The following CACNA1G variants were observed in gnomAD, a reference collection of about 807,000 sequenced individuals.
CACNA1G encodes calcium voltage-gated channel subunit alpha1 G.
In CACNA1G, 67 loss-of-function variants were observed where a neutral mutation model predicts 219.4. The observed-to-expected ratio is 0.31, with a 90% confidence interval of 0.25 to 0.37. The LOEUF (loss-of-function observed/expected upper bound fraction) is 0.37, where lower values mean the gene tolerates loss of function less well. CACNA1G is among the 10% of genes least tolerant of loss of function. CACNA1G has a pLI of 1.00. For missense variants in CACNA1G, 2,380 were observed against 3,231.4 expected, an observed-to-expected ratio of 0.74 and a Z score of 6.39; for synonymous variants, 1,296 against 1,345.3, an observed-to-expected ratio of 0.96 and a Z score of 0.80.
intron 1 of CACNA1G, among the ~76,000 whole-genome samples, chr17:50,565,393 G>T (rs971477402): frequency 9.1e-5 from 13 of 143,394 alleles, no homozygotes; most frequent in African/African-American, 3.4e-4. Context: ...GGGGCGGGGG[G>T]TTCTGCTGGG....
Position 50,600,608 on chromosome 17 carries a change from C to A in CACNA1G, c.3691-118C>A. 4 of 811,244 alleles carry A rather than the reference C, an allele frequency of 4.9e-6. No individual in the cohort carries two copies. The highest frequency in any genetic ancestry group is 3.2e-5 in the South Asian group (2 of 63,288). The allele number at this position is 811,244 out of a possible 1,614,324, so 50.3% of individuals were successfully genotyped here. On this transcript the variant is annotated intron_variant, in intron 17 of 37. Coordinates refer to ENST00000359106, the MANE Select transcript of CACNA1G (RefSeq NM_018896.5). This position sits in a 1 kb window ranked among gnomAD's most constrained non-coding sequence, Gnocchi z 4.1. ...ATAAAGGAAGAGAGGCAGGGCAGAG[C>A]TTGGGCCCCAGGTGGGAGAGGGTAG...
Position 50,561,370 on chromosome 17 carries a change from G to T in CACNA1G, c.-90G>T. ...CCTAGAGCCCACCAGATGTGCCCCC[G>T]CCGGGGCCCCCGGGTTGCGTGAGGA... On this transcript the variant is annotated 5_prime_UTR_variant, in exon 1 of 38. Transcript: ENST00000359106. 1 of 1,510,072 alleles carries T rather than the reference G, an allele frequency of 6.6e-7. No individual in the cohort carries two copies. Among genetic ancestry groups the T allele is most frequent in the Non-Finnish European group, 8.9e-7 (1 of 1,127,164 alleles). 93.5% of individuals were successfully genotyped at this position (1,510,072 alleles called of 1,614,324 possible). A position where few individuals can be genotyped will look rare whatever the true frequency, so the allele number is the denominator to read the frequency against.
chr17:50,610,675 G>A (rs1598630450), intron 26 of CACNA1G, among the ~76,000 whole-genome samples: 1 of 152,102 alleles, frequency 6.6e-6, no homozygotes, highest in South Asian at 2.1e-4. Context: ...TATGTCTCCA[G>A]CTGGTGGTTC....
Position 50,617,749 on chromosome 17 carries a change from G to A in CACNA1G, c.5156-110G>A. On this transcript the variant is annotated intron_variant, in intron 29 of 37. Coordinates refer to ENST00000359106, the MANE Select transcript of CACNA1G (RefSeq NM_018896.5). The surrounding 1 kb of genome is among the most constrained non-coding windows in gnomAD (Gnocchi z 5.8). ...TGAGGATGGGGATGCAACCTGGCTG[G>A]CCCGGAGATGGCCATCCCAGCAGCC... 1 of 1,434,148 alleles carries A rather than the reference G, an allele frequency of 7.0e-7. No homozygotes were observed. The highest frequency in any genetic ancestry group is 9.6e-7 in the Non-Finnish European group (1 of 1,042,360). The allele number at this position is 1,434,148 out of a possible 1,614,324, so 88.8% of individuals were successfully genotyped here.
intron 26 of CACNA1G, among the ~76,000 whole-genome samples, 195 bp from the exon 27 acceptor site, chr17:50,615,166 C>A (rs956530297): frequency 3.3e-5 from 5 of 152,136 alleles, no homozygotes. Context: ...GCAGCCAGTA[C>A]AACAGATGCT....
intron 13 of CACNA1G, 118 bp from the exon 14 acceptor site, chr17:50,594,875 C>G (rs2145607203): frequency 1.5e-6 from 1 of 681,420 alleles, no homozygotes; most frequent in Middle Eastern, 2.4e-4. Flanking sequence ...TCTCTCAGTT[C>G]CCCTGCTGTG....
In CACNA1G at chr17:50,609,912, G is replaced by A. The variant is rs760769776; in HGVS notation, c.4736G>A (p.Gly1579Asp). 1.2e-6 allele frequency: 2 copies of A among 1,611,268 alleles called. No homozygotes were observed. The highest frequency in any genetic ancestry group is 1.7e-6 in the Non-Finnish European group (2 of 1,179,800). The stretch of plus-strand genomic sequence containing the variant: ...ATGCTGGACGATGTAATTGCTTCCG[G>A]CAGCTCAGCCAGCGCTGCGTCAGGT... The part of the protein sequence containing the change: ...NLMLDDVIAS[G>D]SSASAASEAQ... The change falls in exon 26 of 38, where the codon GGC becomes GAC. Residue 1579 changes from glycine to aspartate, a missense_variant. By Grantham distance (94) the Gly-to-Asp change is moderately conservative (BLOSUM62 -1). This residue lies in a region of CACNA1G where 58 missense variants were observed against 71.3 expected (regional missense o/e 0.81). Transcript: ENST00000359106.
At position 50,590,552 on chromosome 17, in the gene CACNA1G, C is replaced by G; in HGVS notation, c.2383C>G (p.Leu795Val). The stretch of plus-strand genomic sequence containing the variant: ...TGCCCTGGAGATGCTGCTGAAGCTG[C>G]TTGTGTATGGTCCCTTTGGCTACAT... ...LFALEMLLKL[L>V]VYGPFGYIKN... Residue 795 changes from leucine to valine, a missense_variant, in exon 10 of 38, where the codon CTT becomes GTT. Coordinates refer to ENST00000359106, the MANE Select transcript of CACNA1G (RefSeq NM_018896.5). 6.2e-7 allele frequency: 1 copy of G among 1,613,972 alleles called. No individual in the cohort carries two copies. Among genetic ancestry groups the G allele is most frequent in the Non-Finnish European group, 8.5e-7 (1 of 1,179,852 alleles).
In CACNA1G at chr17:50,571,812, C is replaced by T. The variant is rs548316413; in HGVS notation, c.587-66C>T. 7.5e-5 allele frequency: 117 copies of T among 1,568,704 alleles called. 1 individual carries two copies. The East Asian group carries it at 2.5e-3, about 33-fold the overall frequency. ...TGGTGGGGCCCCTCCGGGAGTGCTG[C>T]CGGGCCGTGGCAGTCAGCCTAGCCC... On this transcript the variant is annotated intron_variant, in intron 4 of 37. Coordinates refer to ENST00000359106, the MANE Select transcript of CACNA1G (RefSeq NM_018896.5). This position sits in a 1 kb window ranked among gnomAD's most constrained non-coding sequence, Gnocchi z 4.3.
chr17:50,595,586 T>C (rs555348554), intron 14 of CACNA1G, among the ~76,000 whole-genome samples: 1 of 152,304 alleles, frequency 6.6e-6, no homozygotes, highest in South Asian at 2.1e-4. Flanking sequence ...AATGTACCAA[T>C]ATTTTAAATC....
chr17:50,589,199 C>G (rs932052163), intron 9 of CACNA1G, among the ~76,000 whole-genome samples: 2 of 152,152 alleles, frequency 1.3e-5, no homozygotes, highest in African/African-American at 4.8e-5. Context: ...GGCCACACCC[C>G]TCCCTTCTTC....
chr17:50,605,858 C>T (rs2047853153), intron 22 of CACNA1G, 40 bp from the exon 23 acceptor site: 1 of 1,611,068 alleles, frequency 6.2e-7, no homozygotes, highest in Non-Finnish European at 8.5e-7. Context: ...TTCCTGTGGT[C>T]ACAGCTCACT....
intron 37 of CACNA1G, among the ~76,000 whole-genome samples, chr17:50,625,100 G>A (rs1370943361): frequency 2.0e-5 from 3 of 151,896 alleles, no homozygotes; most frequent in Non-Finnish European, 4.4e-5. Context: ...TTACAGACAT[G>A]CGCCACCATG....
intron 27 of CACNA1G, 60 bp from the exon 28 acceptor site, chr17:50,616,215 G>A: frequency 9.7e-7 from 1 of 1,028,060 alleles, no homozygotes; most frequent in Non-Finnish European, 1.5e-6. Flanking sequence ...GGAGGGGCGG[G>A]GGGACAAGCC....
In CACNA1G at chr17:50,627,431, C is replaced by A. The variant is rs942108223; in HGVS notation, c.*680C>A. On this transcript the variant is annotated 3_prime_UTR_variant, in exon 38 of 38. Transcript: ENST00000359106. Reference sequence around the variant, plus strand: ...TATACATACATACATATCTATCTATCTATCTATATATATATAAAATAAAGT... The same window carrying A: ...TATACATACATACATATCTATCTATATATCTATATATATATAAAATAAAGT... The A allele has an allele frequency of 6.1e-6, 2 of 327,924 alleles. No homozygotes were observed. The highest frequency in any genetic ancestry group is 4.4e-5 in the African/African-American group (2 of 45,560). The allele number at this position is 327,924 out of a possible 1,614,324, so 20.3% of individuals were successfully genotyped here. A position where few individuals can be genotyped will look rare whatever the true frequency, so the allele number is the denominator to read the frequency against.
chr17:50,561,609 G>T lies in CACNA1G; in HGVS notation c.150G>T (p.Gly50=), dbSNP rs2035612671. Residue 50 remains glycine (G), a synonymous_variant, in exon 1 of 38, where the codon GGG becomes GGT. Coordinates refer to ENST00000359106, the MANE Select transcript of CACNA1G (RefSeq NM_018896.5). ...GCAGCGCGGACTCCGAGGCGGAGGG[G>T]CTGCCGTACCCGGCGCTGGCCCCGG... ...DPGSADSEAE[G]LPYPALAPVV... is the part of the protein sequence containing the mutation. The T allele has an allele frequency of 1.3e-5, 20 of 1,589,320 alleles. No homozygotes were observed. Among genetic ancestry groups the T allele is most frequent in the Non-Finnish European group, 1.6e-5 (19 of 1,169,478 alleles).
At chr17:50,576,735 G>A (rs906865110) in intron 8 of CACNA1G, among the ~76,000 whole-genome samples, 1 of 152,206 alleles carries the variant, frequency 6.6e-6, no homozygotes, top group Non-Finnish European at 1.5e-5. Flanking sequence ...TGAGGGGATT[G>A]CATGACTTGC....
At chr17:50,595,498 CT>C (rs1174678290) in intron 14 of CACNA1G, among the ~76,000 whole-genome samples, 1 of 152,278 alleles carries the variant, frequency 6.6e-6, no homozygotes, top group African/African-American at 2.4e-5. Context: ...CCCCAGGCCC[CT>C]GTTGGAGACC....
rs2047209531 is a variant in CACNA1G at position 50,603,442 on chromosome 17, C to T, written c.4169+243C>T. On this transcript the variant is annotated intron_variant, in intron 21 of 37. Coordinates refer to ENST00000359106, the MANE Select transcript of CACNA1G (RefSeq NM_018896.5). This position sits in a 1 kb window ranked among gnomAD's most constrained non-coding sequence, Gnocchi z 6.4. ...CATGACATATTCCTCAGGGCCGCTG[C>T]ACCATGTGATGTAAGGTGACTGCAG... Among the ~76,000 whole-genome samples, 1 of 152,174 alleles carries T rather than the reference C, an allele frequency of 6.6e-6. No individual in the cohort carries two copies. The highest frequency in any genetic ancestry group is 2.1e-4 in the South Asian group (1 of 4,828).
Sources: gnomAD v4.1 joint callset for allele counts (sites outside exome capture counted in the v4.1 genomes callset) on GRCh38, gnomAD v4.1.1 for gene constraint, gnomAD v4.1.1 regional missense constraint, Gnocchi (gnomAD v3.1) non-coding constraint, MANE v1.5 for transcripts, NCBI Gene and HGNC (gene_info 2026-07-23, HGNC 2026-07-21) for gene names.